PTPRZ1: variants seen among roughly 807,000 people sequenced by gnomAD.
PTPRZ1 encodes receptor-type tyrosine-protein phosphatase zeta.
A neutral mutation model predicts 214.1 loss-of-function variants in PTPRZ1; 82 were observed. That is an observed-to-expected ratio of 0.38 (90% CI 0.32 to 0.46). The LOEUF is 0.46. Ranked by LOEUF, PTPRZ1 falls within the 20% of genes least tolerant of loss-of-function variation. PTPRZ1 has a pLI of 1.00. For synonymous variants in PTPRZ1, 945 were observed against 987.9 expected, an observed-to-expected ratio of 0.96 and a Z score of 0.81; for missense variants, 2,603 against 2,748.7, an observed-to-expected ratio of 0.95 and a Z score of 1.19.
chr7:121,999,478 T>A (rs750909156), intron 10 of PTPRZ1, among the ~76,000 whole-genome samples: 3 of 152,164 alleles, frequency 2.0e-5, no homozygotes, highest in Non-Finnish European at 4.4e-5. Context: ...ACACCATATG[T>A]GAATTGATTG....
chr7:121,956,919 C>A (rs1002668989), intron 2 of PTPRZ1, among the ~76,000 whole-genome samples: 18 of 151,692 alleles, frequency 1.2e-4, no homozygotes, highest in Non-Finnish European at 2.2e-4. Flanking sequence ...CCTTCCCCCC[C>A]AAAAAACAAT....
chr7:121,919,207 TAATA>T (rs1347284239), intron 1 of PTPRZ1, among the ~76,000 whole-genome samples: 2 of 152,072 alleles, frequency 1.3e-5, no homozygotes, highest in Non-Finnish European at 2.9e-5. Context: ...TAAAAAGTAA[TAATA>T]AACCTTTGAC....
intron 1 of PTPRZ1, among the ~76,000 whole-genome samples, chr7:121,893,386 T>C (rs1413106579): frequency 1.3e-5 from 2 of 152,264 alleles, no homozygotes; most frequent in African/African-American, 4.8e-5. Context: ...CGACATCCAA[T>C]GTTCTTTTAT....
At chr7:122,060,496 A>T (rs1486325174) in intron 29 of PTPRZ1, among the ~76,000 whole-genome samples, 1 of 152,180 alleles carries the variant, frequency 6.6e-6, no homozygotes, top group East Asian at 1.9e-4. Context: ...TAAGAGAAAA[A>T]CTGTTTCATG....
At chr7:121,984,779 G>C (rs1176844623) in intron 8 of PTPRZ1, among the ~76,000 whole-genome samples, 7 of 151,696 alleles carry the variant, frequency 4.6e-5, no homozygotes, top group African/African-American at 1.4e-4. Flanking sequence ...TCTCTAGAAT[G>C]CCGTCTGTTT....
intron 1 of PTPRZ1, among the ~76,000 whole-genome samples, chr7:121,920,330 G>A (rs932336495): frequency 6.6e-6 from 1 of 152,128 alleles, no homozygotes; most frequent in South Asian, 2.1e-4. Context: ...AGATAAGTTA[G>A]TAGCATATAA....
intron 13 of PTPRZ1, among the ~76,000 whole-genome samples, chr7:122,026,718 A>G (rs1009798462): frequency 6.6e-6 from 1 of 152,186 alleles, no homozygotes; most frequent in Non-Finnish European, 1.5e-5. Context: ...CTCTCAATAT[A>G]TCTTCTCTCA....
intron 2 of PTPRZ1, among the ~76,000 whole-genome samples, chr7:121,955,238 G>C (rs1380012405): frequency 6.6e-6 from 1 of 152,178 alleles, no homozygotes; most frequent in African/African-American, 2.4e-5. Context: ...TAGTGTCACT[G>C]TCAGAGACTT....
At chr7:122,041,386 A>T (rs796608067) in intron 21 of PTPRZ1, among the ~76,000 whole-genome samples, 2 of 148,434 alleles carry the variant, frequency 1.3e-5, no homozygotes, top group South Asian at 4.2e-4. Context: ...CCAGGCTTGT[A>T]TCACAGAAGC....
chr7:121,932,366 G>C lies in PTPRZ1; in HGVS notation c.124+4145G>C, dbSNP rs544953322. Among the ~76,000 whole-genome samples, 9 of 152,120 alleles carry C rather than the reference G, an allele frequency of 5.9e-5. No homozygotes were observed. In the East Asian group the frequency reaches 1.7e-3, roughly 29 times the overall value. On this transcript the variant is annotated intron_variant, in intron 2 of 29. Transcript: ENST00000393386. ...CTATTTTTCCATTTAGAAAATGAAC[G>C]ACTATGCTAACTGCTTGAAATAACT...
chr7:122,013,389 A>G lies in PTPRZ1; in HGVS notation c.4343A>G (p.Tyr1448Cys), dbSNP rs774865270. Reference sequence around the variant, plus strand: ...CATAAGTGTATGTCATGCTCATCCTATAGAGAATCACAGGAAAAGGTAATG... The same window carrying G: ...CATAAGTGTATGTCATGCTCATCCTGTAGAGAATCACAGGAAAAGGTAATG... The part of the protein sequence containing the change: ...SIHKCMSCSS[Y>C]RESQEKVMND... Residue 1448 changes from tyrosine (Y) to cysteine (C), a missense_variant, in exon 12 of 30, where the codon TAT becomes TGT. This residue lies in a region of PTPRZ1 where 1,913 missense variants were observed against 1,914.3 expected (regional missense o/e 1.00). Coordinates refer to ENST00000393386, the MANE Select transcript of PTPRZ1 (RefSeq NM_002851.3). The G allele has an allele frequency of 1.2e-6, 2 of 1,614,184 alleles. No homozygotes were observed. The highest frequency in any genetic ancestry group is 1.7e-6 in the Non-Finnish European group (2 of 1,180,038).
intron 8 of PTPRZ1, among the ~76,000 whole-genome samples, chr7:121,989,621 A>G (rs1797884928): frequency 1.3e-5 from 2 of 152,054 alleles, no homozygotes; most frequent in South Asian, 4.1e-4. Flanking sequence ...TGATCCGCCC[A>G]CCTCGGCCTC....
chr7:121,928,306 G>A, intron 2 of PTPRZ1, 85 bp downstream of exon 2: 2 of 927,612 alleles, frequency 2.2e-6, no homozygotes, highest in Non-Finnish European at 3.3e-6. Flanking sequence ...AAGCTTTGTA[G>A]CACAACACAT....
At chr7:122,041,067 G>A in intron 21 of PTPRZ1, 88 bp downstream of exon 21, 1 of 1,203,390 alleles carries the variant, frequency 8.3e-7, no homozygotes, top group Non-Finnish European at 1.1e-6. Flanking sequence ...TGCCCAAATG[G>A]GAATGATTTC....
intron 11 of PTPRZ1, among the ~76,000 whole-genome samples, chr7:122,008,474 T>C (rs1294869435): frequency 1.3e-5 from 2 of 152,074 alleles, no homozygotes; most frequent in Non-Finnish European, 2.9e-5. Flanking sequence ...AGGGACTAGA[T>C]CTAAAACACA....
At chr7:121,902,773 C>T (rs1401571146) in intron 1 of PTPRZ1, among the ~76,000 whole-genome samples, 1 of 152,022 alleles carries the variant, frequency 6.6e-6, no homozygotes, top group Admixed American at 6.6e-5. Flanking sequence ...TTACCTATTA[C>T]AATCCAGTGT....
chr7:121,878,686 ATC>A (rs758333591), intron 1 of PTPRZ1, among the ~76,000 whole-genome samples: 1 of 152,164 alleles, frequency 6.6e-6, no homozygotes, highest in African/African-American at 2.4e-5. Flanking sequence ...TTTTCAATTT[ATC>A]TGTCTCCTTG....
At chr7:122,005,639 T>C (rs920247752) in intron 11 of PTPRZ1, among the ~76,000 whole-genome samples, 1 of 151,152 alleles carries the variant, frequency 6.6e-6, no homozygotes, top group East Asian at 1.9e-4. Context: ...CATATGGAGA[T>C]ATATATATAT....
At position 122,010,737 on chromosome 7, in the gene PTPRZ1, C is replaced by A; in HGVS notation, c.1691C>A (p.Ser564Tyr). Reference protein sequence around the residue: ...SGTAESLNTVSITEYEEESLL... With the variant: ...SGTAESLNTVYITEYEEESLL... ...ACTGCAGAATCCTTAAATACAGTTT[C>A]TATAACAGAATATGAGGAGGAGAGT... Residue 564 changes from serine to tyrosine, a missense_variant, in exon 12 of 30, where the codon TCT becomes TAT. Coordinates refer to ENST00000393386, the MANE Select transcript of PTPRZ1 (RefSeq NM_002851.3). 1.2e-6 allele frequency: 2 copies of A among 1,613,958 alleles called. No individual in the cohort carries two copies. Among genetic ancestry groups the A allele is most frequent in the Non-Finnish European group, 1.7e-6 (2 of 1,179,972 alleles).
Sources: gnomAD v4.1 joint callset for allele counts (sites outside exome capture counted in the v4.1 genomes callset) on GRCh38, gnomAD v4.1.1 for gene constraint, gnomAD v4.1.1 regional missense constraint, MANE v1.5 for transcripts, NCBI Gene and HGNC (gene_info 2026-07-23, HGNC 2026-07-21) for gene names.